The following XRCC4 variants were observed in gnomAD, a reference collection of about 807,000 sequenced individuals.
The protein encoded by XRCC4 is X-ray repair cross complementing 4, also known as DNA repair protein XRCC4.
Under a neutral mutation model 39.1 loss-of-function variants are expected in XRCC4, and 28 were observed. The ratio of observed to expected loss-of-function variants is 0.72; its 90% confidence interval spans 0.53 to 0.98. XRCC4 has a LOEUF of 0.98. Ranked by LOEUF, XRCC4 falls within the 50% of genes least tolerant of loss-of-function variation. XRCC4 has a pLI of 0.00. For missense variants in XRCC4, 350 were observed against 376.4 expected (o/e 0.93, Z 0.58); for synonymous variants, 123 against 126.4 (o/e 0.97, Z 0.18).
chr5:83,310,549 G>A (rs891111112), intron 7 of XRCC4, among the ~76,000 whole-genome samples: 9 of 152,264 alleles, frequency 5.9e-5, no homozygotes, highest in Middle Eastern at 3.4e-3. Context: ...CCTCAGAAAA[G>A]CCATCAATTT....
At chr5:83,159,912 G>T (rs890483383) in intron 3 of XRCC4, among the ~76,000 whole-genome samples, 1 of 151,842 alleles carries the variant, frequency 6.6e-6, no homozygotes, top group Non-Finnish European at 1.5e-5. Context: ...CACCTATATT[G>T]CACTGTGAAT....
intron 7 of XRCC4, among the ~76,000 whole-genome samples, chr5:83,281,841 A>G (rs1754551671): frequency 1.3e-5 from 2 of 152,200 alleles, no homozygotes; most frequent in Admixed American, 6.5e-5. Context: ...TGTCTCACTA[A>G]AAGTGCCAAG....
chr5:83,232,754 A>G (rs993890550), intron 6 of XRCC4, among the ~76,000 whole-genome samples: 1 of 152,070 alleles, frequency 6.6e-6, no homozygotes, highest in African/African-American at 2.4e-5. Context: ...TTTCTGGTCA[A>G]AAAAAATAAT....
rs1748793345 is a variant in XRCC4, at chr5:83,153,126, T to G, written c.315+41923T>G. On this transcript the variant is annotated intron_variant, in intron 3 of 7. Transcript: ENST00000396027. ...TTCTATCAGTGGAATCACAGAGCAT[T>G]CAATCTTTTAGGACTGGCTTTTTTT... 2.6e-5 allele frequency among the ~76,000 whole-genome samples: 4 copies of G among 152,310 alleles called. No homozygotes were observed. In the South Asian group the frequency reaches 6.2e-4, roughly 24 times the overall value.
At chr5:83,369,797 T>A in the XRCC4 span, among the ~76,000 whole-genome samples, 4 of 152,224 alleles carry the variant, frequency 2.6e-5, no homozygotes, top group East Asian at 3.9e-4. Flanking sequence ...CAAATGGTAG[T>A]TAACTCTTAG....
intron 7 of XRCC4, among the ~76,000 whole-genome samples, chr5:83,348,051 C>A (rs1756968149): frequency 6.6e-6 from 1 of 152,198 alleles, no homozygotes; most frequent in South Asian, 2.1e-4. Context: ...AAGGGGTAGA[C>A]TCCTAAGTCC....
chr5:83,213,900 C>T (rs1477680537), intron 6 of XRCC4, among the ~76,000 whole-genome samples: 1 of 152,160 alleles, frequency 6.6e-6, no homozygotes, highest in Non-Finnish European at 1.5e-5. Context: ...TGTAAAGATA[C>T]TTTTGCATCT....
intron 6 of XRCC4, among the ~76,000 whole-genome samples, chr5:83,220,288 T>C (rs534959981): frequency 6.6e-6 from 1 of 152,296 alleles, no homozygotes; most frequent in South Asian, 2.1e-4. Flanking sequence ...CAAAAGGTGA[T>C]GTGAATGCAG....
chr5:83,086,298 C>A (rs1318352525), intron 1 of XRCC4, among the ~76,000 whole-genome samples: 1 of 152,182 alleles, frequency 6.6e-6, no homozygotes, highest in South Asian at 2.1e-4. Context: ...CCATGTATAA[C>A]TTTTGGCTCC....
intron 7 of XRCC4, among the ~76,000 whole-genome samples, chr5:83,313,894 C>T (rs529547950): frequency 6.8e-4 from 103 of 151,278 alleles, no homozygotes; most frequent in Non-Finnish European, 1.2e-3. Context: ...GTACTCGTCT[C>T]TTTTCATTAA....
intron 3 of XRCC4, among the ~76,000 whole-genome samples, chr5:83,186,940 C>CCT (rs1750468282): frequency 1.0e-5 from 1 of 96,826 alleles, no homozygotes; most frequent in Admixed American, 9.8e-5. Flanking sequence ...CTGCTTCTTC[C>CCT]ATTTTTTTTT....
rs118154031 is a variant in XRCC4, at chr5:83,114,761, G to A, written c.315+3558G>A. ...CAGTCTCTGCCTGTTACCCAGTTCCGAAGTTTCTTTCACATTTTCGGGTAC... is the reference window on the plus strand; with the variant it reads ...CAGTCTCTGCCTGTTACCCAGTTCCAAAGTTTCTTTCACATTTTCGGGTAC... On this transcript the variant is annotated intron_variant, in intron 3 of 7. Coordinates refer to ENST00000396027, the MANE Select transcript of XRCC4 (RefSeq NM_003401.5). Among the ~76,000 whole-genome samples the A allele has an allele frequency of 3.1e-3, 475 of 152,236 alleles. 11 individuals carry two copies. The East Asian group carries it at 0.075, about 24-fold the overall frequency.
At chr5:83,186,941 A>ATTTTTTTTTTT (rs770811313) in intron 3 of XRCC4, among the ~76,000 whole-genome samples, 5 of 87,496 alleles carry the variant, frequency 5.7e-5, no homozygotes, top group African/African-American at 3.0e-4. Flanking sequence ...TGCTTCTTCC[A>ATTTTTTTTTTT]TTTTTTTTTT....
intron 3 of XRCC4, among the ~76,000 whole-genome samples, chr5:83,183,993 T>G (rs1263091761): frequency 6.6e-6 from 1 of 152,128 alleles, no homozygotes; most frequent in African/African-American, 2.4e-5. Context: ...ATTACAAGTT[T>G]TTCAGGGGAA....
intron 3 of XRCC4, among the ~76,000 whole-genome samples, chr5:83,148,134 A>T (rs79410360): frequency 2.0e-5 from 3 of 152,220 alleles, no homozygotes; most frequent in African/African-American, 7.2e-5. Context: ...TAATTTATCA[A>T]TTAAAAATTA....
intron 1 of XRCC4, among the ~76,000 whole-genome samples, chr5:83,083,382 T>TTC (rs1302020956): frequency 6.7e-6 from 1 of 149,516 alleles, no homozygotes; most frequent in Non-Finnish European, 1.5e-5. Flanking sequence ...GTAATTTTTT[T>TTC]TTTTTTTTTT....
intron 7 of XRCC4, among the ~76,000 whole-genome samples, chr5:83,347,803 A>G (rs1022707416): frequency 6.6e-6 from 1 of 152,192 alleles, no homozygotes; most frequent in Non-Finnish European, 1.5e-5. Context: ...CATGTGAGAC[A>G]AGGCAAGTCT....
At chr5:83,115,430 A>AAAACAAAC (rs145922134) in intron 3 of XRCC4, among the ~76,000 whole-genome samples, 8 of 151,544 alleles carry the variant, frequency 5.3e-5, no homozygotes, top group East Asian at 2.0e-4. Context: ...TCTGTCTCAA[A>AAAACAAAC]AAACAAACAA....
At chr5:83,135,564 A>T (rs563870340) in intron 3 of XRCC4, among the ~76,000 whole-genome samples, 2 of 151,590 alleles carry the variant, frequency 1.3e-5, no homozygotes, top group African/African-American at 2.4e-5. Context: ...ATTTATATGT[A>T]TATTATGTTT....
Sources: allele counts gnomAD v4.1 joint callset (sites outside exome capture counted in the v4.1 genomes callset), GRCh38; gene constraint gnomAD v4.1.1; transcripts MANE v1.5; gene names NCBI Gene and HGNC (gene_info 2026-07-23, HGNC 2026-07-21).